PSMC6: variants seen among roughly 807,000 people sequenced by gnomAD.
PSMC6 encodes 26S proteasome regulatory subunit 10B.
A neutral mutation model predicts 55.9 loss-of-function variants in PSMC6; 3 were observed. The observed-to-expected ratio is 0.05, with a 90% CI of 0.02 to 0.14. The LOEUF is 0.14. PSMC6 is among the 10% of genes least tolerant of loss of function. PSMC6 has a pLI of 1.00. For synonymous variants in PSMC6, 137 were observed against 155.9 expected (o/e 0.88, Z 0.90); for missense variants, 210 against 478.7 (o/e 0.44, Z 5.24).
At chr14:52,711,557 G>T in intron 6 of PSMC6, 33 bp downstream of exon 6, 1 of 1,425,498 alleles carries the variant, frequency 7.0e-7, no homozygotes, top group Non-Finnish European at 9.7e-7. Context: ...TCTGAACTTA[G>T]CTAATAAATA....
At position 52,715,561 on chromosome 14, in the gene PSMC6, T is replaced by C. The variant is rs143266063; in HGVS notation, c.529+1593T>C. Among the ~76,000 whole-genome samples the C allele has an allele frequency of 3.9e-5, 6 of 152,312 alleles. No individual in the cohort carries two copies. The East Asian group carries it at 1.2e-3, about 29-fold the overall frequency. Reference sequence around the variant, plus strand: ...AAATGTCAAGTGAAAATTAGAATTTTTAGAAACATATATCTGGCACTATGT... The same window carrying C: ...AAATGTCAAGTGAAAATTAGAATTTCTAGAAACATATATCTGGCACTATGT... On this transcript the variant is annotated intron_variant, in intron 7 of 13. Coordinates refer to ENST00000445930, the MANE Select transcript of PSMC6 (RefSeq NM_002806.5).
chr14:52,718,916 T>C, intron 9 of PSMC6, 61 bp from the exon 10 acceptor site: 5 of 1,315,718 alleles, frequency 3.8e-6, no homozygotes, highest in Non-Finnish European at 5.4e-6. Flanking sequence ...TTCTGTTTTC[T>C]TAAATGATGG....
intron 4 of PSMC6, chr14:52,710,864 G>A (rs1029257180): frequency 2.0e-5 from 10 of 506,558 alleles, no homozygotes; most frequent in Non-Finnish European, 2.8e-5. Flanking sequence ...TTGTGTGTTA[G>A]TCATTTCACA....
intron 4 of PSMC6, chr14:52,710,281 A>G (rs1281747896): frequency 6.6e-6 from 1 of 152,276 alleles, no homozygotes; most frequent in Non-Finnish European, 1.5e-5. Flanking sequence ...ACAAAAAAAA[A>G]TTAGCCGGGC....
intron 7 of PSMC6, 99 bp from the exon 8 acceptor site, chr14:52,717,982 C>A: frequency 1.8e-6 from 2 of 1,117,808 alleles, no homozygotes; most frequent in Non-Finnish European, 2.7e-6. Context: ...GAGCTGTGAT[C>A]TCGCCACACT....
At chr14:52,714,437 T>C (rs2139842950) in intron 7 of PSMC6, among the ~76,000 whole-genome samples, 1 of 152,312 alleles carries the variant, frequency 6.6e-6, no homozygotes, top group South Asian at 2.1e-4. Flanking sequence ...GAGGCATGCT[T>C]AGTGCATTTG....
intron 10 of PSMC6, 122 bp downstream of exon 10, chr14:52,719,160 A>T: frequency 1.1e-6 from 1 of 914,376 alleles, no homozygotes; most frequent in Non-Finnish European, 1.6e-6. Flanking sequence ...ATTTGAAAAT[A>T]TTGTCAGGAA....
chr14:52,727,449 A>G, intron 13 of PSMC6, 50 bp from the exon 14 acceptor site: 3 of 1,149,872 alleles, frequency 2.6e-6, no homozygotes, highest in Non-Finnish European at 3.8e-6. Flanking sequence ...TATAATGAAC[A>G]TATAATTCAT....
chr14:52,707,411 A>C (rs2041714537), intron 1 of PSMC6, 107 bp downstream of exon 1: 9 of 1,458,842 alleles, frequency 6.2e-6, no homozygotes, highest in Middle Eastern at 2.2e-4. Flanking sequence ...AGAGATGACC[A>C]GGCCTAGGGC....
rs1317712814 is a variant in PSMC6 at position 52,718,294 on chromosome 14, T to C, written c.657T>C (p.Phe219=). 6.2e-7 allele frequency: 1 copy of C among 1,612,814 alleles called. No individual in the cohort carries two copies. Among genetic ancestry groups the C allele is most frequent in the Admixed American group, 1.7e-5 (1 of 60,022 alleles). The change falls in exon 9 of 14, where the codon TTT becomes TTC. Residue 219 remains phenylalanine (F), a synonymous_variant. Coordinates refer to ENST00000445930, the MANE Select transcript of PSMC6 (RefSeq NM_002806.5). ...GTGCTCGTTTGATCAGAGAAATGTTTAATTATGCTAGAGATCATCAACCAT... is the reference window on the plus strand; with the variant it reads ...GTGCTCGTTTGATCAGAGAAATGTTCAATTATGCTAGAGATCATCAACCAT... ...GESARLIREM[F]NYARDHQPCI... is the part of the protein sequence containing the mutation.
intron 7 of PSMC6, 73 bp from the exon 8 acceptor site, chr14:52,718,006 CAG>C (rs1390982804): frequency 2.2e-6 from 3 of 1,352,072 alleles, no homozygotes; most frequent in East Asian, 4.6e-5. Flanking sequence ...GCCTAGGTGA[CAG>C]AGTGATTGCC....
At chr14:52,712,988 C>T (rs1214111923) in intron 6 of PSMC6, among the ~76,000 whole-genome samples, 3 of 152,034 alleles carry the variant, frequency 2.0e-5, no homozygotes, top group African/African-American at 7.2e-5. Flanking sequence ...TCCCAGCACT[C>T]TGGGAGGCTG....
At position 52,717,526 on chromosome 14, in the gene PSMC6, G is replaced by A. The variant is rs149276639; in HGVS notation, c.530-555G>A. Among the ~76,000 whole-genome samples the A allele has an allele frequency of 5.0e-3, 753 of 151,112 alleles. 9 individuals carry two copies. Among genetic ancestry groups the A allele is most frequent in the African/African-American group, 0.018 (723 of 41,184 alleles). On this transcript the variant is annotated intron_variant, in intron 7 of 13. Transcript: ENST00000445930. ...AATTTTTTGTATTTTTAGTAGAGAC[G>A]GGGTTTCACTGTGTTTCGATCTCCT...
At chr14:52,724,520 G>A (rs1431979536) in intron 13 of PSMC6, among the ~76,000 whole-genome samples, 1 of 152,200 alleles carries the variant, frequency 6.6e-6, no homozygotes, top group Non-Finnish European at 1.5e-5. Flanking sequence ...GAATGGGCCA[G>A]CACCAGAGGT....
chr14:52,708,400 A>G lies in PSMC6; in HGVS notation c.165+12A>G, dbSNP rs772787080. The G allele has an allele frequency of 2.1e-5, 34 of 1,612,630 alleles. No homozygotes were observed. The highest frequency in any genetic ancestry group is 6.7e-5 in the Admixed American group (4 of 59,994). ...AGAGTGTTGGGCAGGTAGGTGATGG[A>G]GTTTGGGGAATAGGGGGTGATGGTA... On this transcript the variant is annotated intron_variant, in intron 2 of 13. Coordinates refer to ENST00000445930, the MANE Select transcript of PSMC6 (RefSeq NM_002806.5).
At position 52,724,558 on chromosome 14, in the gene PSMC6, TG is replaced by T. The variant is rs541788859; in HGVS notation, c.1051+523del. On this transcript the variant is annotated intron_variant, in intron 13 of 13. Coordinates refer to ENST00000445930, the MANE Select transcript of PSMC6 (RefSeq NM_002806.5). The stretch of plus-strand genomic sequence containing the variant: ...CTGCTGCAAAATGAATTGTGTATGT[TG>T]TCTAATACTAGTCTGTGAGCAGTGT... Among the ~76,000 whole-genome samples, 89 of 152,378 alleles carry T rather than the reference TG, an allele frequency of 5.8e-4. 1 individual carries two copies. The highest frequency in any genetic ancestry group is 1.5e-3 in the African/African-American group (63 of 41,594).
At chr14:52,723,506 C>T (rs1021700027) in intron 12 of PSMC6, 1 of 154,194 alleles carries the variant, frequency 6.5e-6, no homozygotes, top group Non-Finnish European at 1.4e-5. Flanking sequence ...CCATGTGATA[C>T]AATTATGTAT....
At chr14:52,718,880 A>T in intron 9 of PSMC6, 97 bp from the exon 10 acceptor site, 1 of 919,952 alleles carries the variant, frequency 1.1e-6, no homozygotes, top group African/African-American at 1.7e-5. Flanking sequence ...TTTTCATCTT[A>T]ATGTTTTAAG....
chr14:52,708,278 A>C, intron 1 of PSMC6, 31 bp from the exon 2 acceptor site: 1 of 1,555,460 alleles, frequency 6.4e-7, no homozygotes, highest in Non-Finnish European at 8.9e-7. Context: ...ATTACTGTTC[A>C]ATTAAAAATG....
Sources: allele counts gnomAD v4.1 joint callset (sites outside exome capture counted in the v4.1 genomes callset), GRCh38; gene constraint gnomAD v4.1.1; transcripts MANE v1.5; gene names NCBI Gene and HGNC (gene_info 2026-07-23, HGNC 2026-07-21).